The following PPP3CB variants were observed in gnomAD, a reference collection of about 807,000 sequenced individuals.
PPP3CB encodes protein phosphatase 3 catalytic subunit beta, also known as serine/threonine-protein phosphatase 2B catalytic subunit beta isoform.
A neutral mutation model predicts 66.4 loss-of-function variants in PPP3CB; 8 were observed. The ratio of observed to expected loss-of-function variants is 0.12; its 90% confidence interval spans 0.07 to 0.22. The LOEUF is 0.22. Among genes scored for constraint, PPP3CB ranks in the 10% least tolerant of loss-of-function variants. The probability of loss-of-function intolerance (pLI) is 1.00; values close to 1 mark genes in which losing one functional copy is unlikely to be tolerated. For synonymous variants in PPP3CB, 208 were observed against 221.2 expected (o/e 0.94, Z 0.53); for missense variants, 319 against 642.5 (o/e 0.50, Z 5.44).
chr10:73,484,275 A>G (rs1170461290), intron 1 of PPP3CB, among the ~76,000 whole-genome samples: 1 of 150,378 alleles, frequency 6.6e-6, no homozygotes, highest in Non-Finnish European at 1.5e-5. Context: ...AACTATTTCT[A>G]CTTTTTTTTT....
intron 4 of PPP3CB, among the ~76,000 whole-genome samples, chr10:73,472,328 C>G (rs1299571983): frequency 6.6e-6 from 1 of 152,070 alleles, no homozygotes; most frequent in Non-Finnish European, 1.5e-5. Context: ...AACACTGTCT[C>G]TACTAAAAAT....
intron 1 of PPP3CB, among the ~76,000 whole-genome samples, chr10:73,486,295 GTT>G (rs1206671127): frequency 0.03 from 3,540 of 117,690 alleles, 133 homozygotes; most frequent in African/African-American, 0.11. Flanking sequence ...GGCCAGACTG[GTT>G]TTTTTTTTTT....
intron 1 of PPP3CB, among the ~76,000 whole-genome samples, chr10:73,494,669 AG>A (rs1254895335): frequency 7.4e-4 from 112 of 152,098 alleles, no homozygotes; most frequent in African/African-American, 2.4e-3. Flanking sequence ...AAAAGAAAAA[AG>A]GTTTCCTTGT....
intron 10 of PPP3CB, among the ~76,000 whole-genome samples, chr10:73,452,433 C>T (rs906015952): frequency 5.3e-5 from 8 of 152,210 alleles, no homozygotes; most frequent in African/African-American, 1.7e-4. Context: ...TGGTGGCTCA[C>T]GCCTGTAATC....
intron 4 of PPP3CB, 120 bp from the exon 5 acceptor site, chr10:73,471,733 T>A: frequency 1.3e-6 from 1 of 749,944 alleles, no homozygotes; most frequent in South Asian, 2.3e-5. Flanking sequence ...TTATAGCTAT[T>A]TATAATGAAA....
chr10:73,484,824 GGTGGATCAC>G (rs1198130131), intron 1 of PPP3CB, among the ~76,000 whole-genome samples: 1 of 152,062 alleles, frequency 6.6e-6, no homozygotes, highest in East Asian at 1.9e-4. Flanking sequence ...GGTCGAGGCA[GGTGGATCAC>G]CTGAGGTCAG....
At chr10:73,461,856 G>A (rs1034223966) in intron 9 of PPP3CB, among the ~76,000 whole-genome samples, 6 of 152,192 alleles carry the variant, frequency 3.9e-5, no homozygotes, top group African/African-American at 1.4e-4. Flanking sequence ...GTGGAGCCTG[G>A]TGAAAGGTGA....
intron 10 of PPP3CB, among the ~76,000 whole-genome samples, chr10:73,448,449 G>T (rs750359764): frequency 6.6e-6 from 1 of 152,118 alleles, no homozygotes; most frequent in African/African-American, 2.4e-5. Flanking sequence ...GAATGAAAAG[G>T]AGGGAAAATA....
chr10:73,481,462 C>T (rs184438462), intron 1 of PPP3CB, among the ~76,000 whole-genome samples: 101 of 150,484 alleles, frequency 6.7e-4, no homozygotes, highest in Admixed American at 1.3e-3. Context: ...GACAGTGAGA[C>T]TCCATCAAAT....
intron 12 of PPP3CB, chr10:73,444,518 T>G: frequency 6.8e-7 from 1 of 1,470,756 alleles, no homozygotes; most frequent in Non-Finnish European, 9.1e-7. Flanking sequence ...TTATTTTCAA[T>G]TGAAAGGAAT....
intron 9 of PPP3CB, among the ~76,000 whole-genome samples, chr10:73,457,985 G>C (rs2056458192): frequency 6.6e-6 from 1 of 152,132 alleles, no homozygotes; most frequent in African/African-American, 2.4e-5. Flanking sequence ...AGAGAGGTGG[G>C]AGAGGTGTGG....
chr10:73,459,419 GAGCT>G (rs2056484757), intron 9 of PPP3CB, among the ~76,000 whole-genome samples: 1 of 152,282 alleles, frequency 6.6e-6, no homozygotes, highest in African/African-American at 2.4e-5. Flanking sequence ...CCAGGAGACG[GAGCT>G]TGCAGTGAGC....
intron 3 of PPP3CB, 134 bp from the exon 4 acceptor site, chr10:73,475,164 A>C: frequency 8.1e-7 from 1 of 1,231,502 alleles, no homozygotes; most frequent in Non-Finnish European, 1.0e-6. Flanking sequence ...AAATATAAGC[A>C]CCACAAAATC....
intron 12 of PPP3CB, among the ~76,000 whole-genome samples, chr10:73,443,286 C>CAGAAAGAAAGACAGAAAGAAAGAA (rs2056187740): frequency 8.6e-6 from 1 of 115,634 alleles, no homozygotes; most frequent in African/African-American, 3.4e-5. Flanking sequence ...GAAAGAAAGA[C>CAGAAAGAAAGACAGAAAGAAAGAA]AGAAAGAAAG....
intron 10 of PPP3CB, among the ~76,000 whole-genome samples, chr10:73,449,231 C>G (rs1394570260): frequency 6.6e-6 from 1 of 152,182 alleles, no homozygotes; most frequent in Non-Finnish European, 1.5e-5. Flanking sequence ...TCACCCCCTC[C>G]CAACGAAGGA....
chr10:73,483,203 G>C (rs2056911788), intron 1 of PPP3CB, among the ~76,000 whole-genome samples: 1 of 152,134 alleles, frequency 6.6e-6, no homozygotes, highest in Admixed American at 6.6e-5. Flanking sequence ...TCAACTCAAG[G>C]CACACTTCTA....
chr10:73,474,855 T>G, intron 4 of PPP3CB, 64 bp downstream of exon 4: 1 of 1,581,552 alleles, frequency 6.3e-7, no homozygotes, highest in Non-Finnish European at 8.6e-7. Context: ...TCAAAACTCT[T>G]ACTACCCACT....
intron 9 of PPP3CB, among the ~76,000 whole-genome samples, chr10:73,462,053 A>G (rs2056529674): frequency 6.6e-6 from 1 of 151,682 alleles, no homozygotes; most frequent in Non-Finnish European, 1.5e-5. Context: ...CCACCATGAG[A>G]AGTTCCCTGA....
At chr10:73,444,644 A>C (rs1564547800) in intron 12 of PPP3CB, 81 bp downstream of exon 12, 1 of 1,591,102 alleles carries the variant, frequency 6.3e-7, no homozygotes, top group Non-Finnish European at 8.6e-7. Context: ...AATTCCCTGC[A>C]TGCATTATGT....
Sources: gnomAD v4.1 joint callset for allele counts (sites outside exome capture counted in the v4.1 genomes callset) on GRCh38, gnomAD v4.1.1 for gene constraint, MANE v1.5 for transcripts, NCBI Gene and HGNC (gene_info 2026-07-23, HGNC 2026-07-21) for gene names.